The following TEX11 variants were observed in gnomAD, a reference collection of about 807,000 sequenced individuals.
TEX11 encodes testis expressed 11, also known as testis-expressed protein 11.
TEX11 carries 7 observed loss-of-function variants against 84.4 expected under a neutral mutation model. The ratio of observed to expected loss-of-function variants is 0.08; its 90% CI spans 0.05 to 0.16. TEX11 has a LOEUF of 0.16. Ranked by LOEUF, TEX11 falls within the 10% of genes least tolerant of loss-of-function variation. The pLI is 1.00. For missense variants in TEX11, 551 were observed against 660.5 expected (o/e 0.83, Z 1.82); for synonymous variants, 264 against 222.8 (o/e 1.18, Z -1.64).
intron 25 of TEX11, among the ~76,000 whole-genome samples, chrX:70,587,692 C>T (rs1479017288): frequency 8.9e-6 from 1 of 112,252 alleles, no homozygotes; most frequent in Non-Finnish European, 1.9e-5. Flanking sequence ...AGAGTCCCCA[C>T]TGGGGCACTG....
At chrX:70,905,694 G>A (rs1009005294) in intron 2 of TEX11, among the ~76,000 whole-genome samples, 9 of 110,223 alleles carry the variant, frequency 8.2e-5, no homozygotes, top group Non-Finnish European at 1.3e-4. Flanking sequence ...GTACATTTAG[G>A]TTCAATGAAA....
At chrX:70,887,374 G>A (rs2091715011) in intron 2 of TEX11, among the ~76,000 whole-genome samples, 1 of 111,997 alleles carries the variant, frequency 8.9e-6, no homozygotes, top group Non-Finnish European at 1.9e-5. Context: ...AGGCCTGGAA[G>A]ATTCACCAGA....
chrX:70,749,590 C>T (rs372378461), intron 9 of TEX11, among the ~76,000 whole-genome samples: 42 of 101,339 alleles, frequency 4.1e-4, no homozygotes, highest in Non-Finnish European at 6.8e-4. Flanking sequence ...TTTTGAAATA[C>T]GTCCCATCAA....
intron 11 of TEX11, among the ~76,000 whole-genome samples, chrX:70,728,359 G>T (rs1036629565): frequency 2.7e-5 from 3 of 113,104 alleles, no homozygotes; most frequent in African/African-American, 9.6e-5. Flanking sequence ...CCGAAGCAGG[G>T]CGAGGCATCG....
At chrX:70,698,420 A>G (rs1233211752) in intron 13 of TEX11, among the ~76,000 whole-genome samples, 1 of 110,222 alleles carries the variant, frequency 9.1e-6, no homozygotes, top group Admixed American at 9.8e-5. Flanking sequence ...AAGAATTTCT[A>G]TAATTAAAAG....
At chrX:70,746,545 G>C (rs1013818866) in intron 9 of TEX11, among the ~76,000 whole-genome samples, 1 of 111,973 alleles carries the variant, frequency 8.9e-6, no homozygotes, top group African/African-American at 3.2e-5. Flanking sequence ...AGCATGCCAT[G>C]AGCCCAGCTC....
chrX:70,706,456 A>T (rs1742980029), intron 13 of TEX11, among the ~76,000 whole-genome samples: 1 of 111,216 alleles, frequency 9.0e-6, no homozygotes, highest in Admixed American at 9.6e-5. Context: ...TAAAGTATAT[A>T]TAAAAAAAGA....
chrX:70,711,359 G>A (rs2090431285), intron 13 of TEX11, among the ~76,000 whole-genome samples: 1 of 109,833 alleles, frequency 9.1e-6, no homozygotes, highest in Non-Finnish European at 1.9e-5. Context: ...CTGAGGAATC[G>A]CCACACTGAC....
At chrX:70,772,222 T>C (rs1182671933) in intron 9 of TEX11, among the ~76,000 whole-genome samples, 1 of 111,326 alleles carries the variant, frequency 9.0e-6, no homozygotes, top group Non-Finnish European at 1.9e-5. Flanking sequence ...TCTGTAAATA[T>C]TGAAAAAGTG....
intron 28 of TEX11, among the ~76,000 whole-genome samples, chrX:70,537,114 C>T (rs73634833): frequency 0.017 from 1,855 of 111,086 alleles, 39 homozygotes; most frequent in African/African-American, 0.058. Context: ...TAGGTAGGTA[C>T]AGTGGTAGAA....
chrX:70,662,574 A>G (rs1383701617), intron 16 of TEX11, among the ~76,000 whole-genome samples: 1 of 111,371 alleles, frequency 9.0e-6, no homozygotes, highest in African/African-American at 3.3e-5. Context: ...CAGATTCACC[A>G]AAGTTGAAAT....
chrX:70,732,352 A>C (rs1175037232), intron 11 of TEX11, among the ~76,000 whole-genome samples: 2 of 111,760 alleles, frequency 1.8e-5, no homozygotes, highest in African/African-American at 6.5e-5. Flanking sequence ...GAAAAGAGGA[A>C]GTCAAATTGT....
intron 24 of TEX11, among the ~76,000 whole-genome samples, chrX:70,592,090 C>A (rs781198079): frequency 1.6e-4 from 18 of 111,442 alleles, no homozygotes; most frequent in Admixed American, 9.6e-4. Flanking sequence ...AGAAACACTT[C>A]TAGAATGGTT....
chrX:70,821,429 G>C (rs766716548), intron 8 of TEX11, among the ~76,000 whole-genome samples: 2 of 111,204 alleles, frequency 1.8e-5, no homozygotes, highest in African/African-American at 6.5e-5. Flanking sequence ...TCATGATAAT[G>C]AGTTCTCATG....
At chrX:70,873,407 T>A (rs1340929748) in intron 3 of TEX11, 100 bp from the exon 4 acceptor site, 3 of 587,683 alleles carry the variant, frequency 5.1e-6, no homozygotes, top group Non-Finnish European at 5.6e-6. Context: ...CTATTGTGGG[T>A]CATTTCCAGG....
At chrX:70,528,894 C>T, downstream of TEX11, 1 of 431,222 alleles carries the variant, frequency 2.3e-6, no homozygotes, top group South Asian at 3.7e-5. Flanking sequence ...ATCCTTAGCA[C>T]TTTGGAAAAT....
chrX:70,781,789 C>T (rs1472643307), intron 9 of TEX11, among the ~76,000 whole-genome samples: 4 of 111,261 alleles, frequency 3.6e-5, no homozygotes, highest in African/African-American at 1.3e-4. Context: ...AAGAAATGAA[C>T]AAAATCTCCA....
intron 16 of TEX11, among the ~76,000 whole-genome samples, chrX:70,666,638 A>T (rs1410980628): frequency 2.7e-5 from 3 of 111,402 alleles, no homozygotes; most frequent in Non-Finnish European, 3.8e-5. Flanking sequence ...GAGCTTAAAT[A>T]AACCTATTTT....
chrX:70,640,643 C>T (rs1370980773), intron 17 of TEX11, among the ~76,000 whole-genome samples: 4 of 107,844 alleles, frequency 3.7e-5, no homozygotes, highest in African/African-American at 6.7e-5. Flanking sequence ...GAATTTTCAA[C>T]CCAGAATTTC....
Sources: allele counts gnomAD v4.1 joint callset (sites outside exome capture counted in the v4.1 genomes callset), GRCh38; gene constraint gnomAD v4.1.1; transcripts MANE v1.5; gene names NCBI Gene and HGNC (gene_info 2026-07-23, HGNC 2026-07-21).